Variants in OSBPL2 observed in about 807,000 individuals in gnomAD.
The protein encoded by OSBPL2 is oxysterol-binding protein-related protein 2.
OSBPL2 carries 18 observed loss-of-function variants against 58.4 expected under a neutral mutation model. That is an observed-to-expected ratio of 0.31 (90% CI 0.21 to 0.46). The LOEUF (loss-of-function observed/expected upper bound fraction) is 0.46, where lower values mean the gene tolerates loss of function less well. Ranked by LOEUF, OSBPL2 falls within the 20% of genes least tolerant of loss-of-function variation. OSBPL2 has a pLI of 1.00. For missense variants in OSBPL2, 461 were observed against 616.5 expected, an observed-to-expected ratio of 0.75 and a Z score of 2.67; for synonymous variants, 221 against 234.1, an observed-to-expected ratio of 0.94 and a Z score of 0.51.
rs1347560271 is a variant in OSBPL2 at position 62,272,148 on chromosome 20, A to G, written c.282A>G (p.Pro94=). 5.0e-6 allele frequency: 8 copies of G among 1,613,718 alleles called. No individual in the cohort carries two copies. The highest frequency in any genetic ancestry group is 6.8e-6 in the Non-Finnish European group (8 of 1,179,952). ...VGLELSKITM[P]IAFNEPLSFL... is the part of the protein sequence containing the mutation. ...AGGAGCTGTCCAAGATCACGATGCC[A>G]ATCGCCTTCAACGAGCCTCTGAGCT... Residue 94 remains proline, a synonymous_variant, in exon 5 of 14, where the codon CCA becomes CCG. Transcript: ENST00000313733.
chr20:62,293,744 G>A (rs1983677348), intron 13 of OSBPL2, 41 bp from the exon 14 acceptor site: 2 of 1,592,992 alleles, frequency 1.3e-6, no homozygotes, highest in Non-Finnish European at 1.7e-6. Flanking sequence ...TTTTCCTTTT[G>A]GGCTGAGCAT....
At chr20:62,271,980 A>G in intron 4 of OSBPL2, 145 bp from the exon 5 acceptor site, 1 of 848,736 alleles carries the variant, frequency 1.2e-6, no homozygotes, top group Non-Finnish European at 1.8e-6. Context: ...TGGGGCAGGG[A>G]GTGGCTCACC....
At chr20:62,277,202 A>T (rs919088909) in intron 6 of OSBPL2, among the ~76,000 whole-genome samples, 1 of 152,240 alleles carries the variant, frequency 6.6e-6, no homozygotes, top group Non-Finnish European at 1.5e-5. Context: ...GTGAGCCGAG[A>T]TCACGCCACT....
At chr20:62,248,176 A>G (rs1363620761) in intron 1 of OSBPL2, among the ~76,000 whole-genome samples, 1 of 93,882 alleles carries the variant, frequency 1.1e-5, no homozygotes, top group Non-Finnish European at 2.0e-5. Context: ...TTTTTTTGTG[A>G]CAGGGTCTCG....
chr20:62,283,533 A>G (rs1381129748), intron 9 of OSBPL2, among the ~76,000 whole-genome samples: 2 of 152,178 alleles, frequency 1.3e-5, no homozygotes, highest in African/African-American at 2.4e-5. Flanking sequence ...TTATTGATGA[A>G]AAAAGGCAGG....
intron 6 of OSBPL2, among the ~76,000 whole-genome samples, chr20:62,277,914 GA>G (rs1227147666): frequency 6.6e-6 from 1 of 152,150 alleles, no homozygotes; most frequent in East Asian, 1.9e-4. Flanking sequence ...TTCCATCTCG[GA>G]AATTTCAGGG....
chr20:62,254,664 C>T (rs1339929045), intron 1 of OSBPL2, among the ~76,000 whole-genome samples: 1 of 152,254 alleles, frequency 6.6e-6, no homozygotes, highest in Admixed American at 6.5e-5. Context: ...GGGCCGTTCT[C>T]GCCCCGGCGC....
intron 1 of OSBPL2, among the ~76,000 whole-genome samples, chr20:62,239,379 T>C (rs1979566508): frequency 6.6e-6 from 1 of 152,196 alleles, no homozygotes; most frequent in Non-Finnish European, 1.5e-5. Flanking sequence ...AGACCAAGAC[T>C]GTTAGGTCGT....
At chr20:62,264,130 TAAAA>T (rs1457011944) in intron 4 of OSBPL2, among the ~76,000 whole-genome samples, 3 of 144,876 alleles carry the variant, frequency 2.1e-5, no homozygotes, top group Non-Finnish European at 4.5e-5. Flanking sequence ...ATTAAGACAA[TAAAA>T]CAGGAAAAGA....
chr20:62,259,859 AT>A, intron 2 of OSBPL2, 121 bp from the exon 3 acceptor site: 1 of 854,542 alleles, frequency 1.2e-6, no homozygotes. Context: ...ATTCTTCCAA[AT>A]GTGTCCGTTC....
intron 6 of OSBPL2, among the ~76,000 whole-genome samples, chr20:62,277,564 G>A (rs1011337174): frequency 5.3e-5 from 8 of 152,252 alleles, no homozygotes; most frequent in African/African-American, 1.7e-4. Flanking sequence ...GGCCATGGAC[G>A]TGGACCAAGT....
chr20:62,282,339 T>C (rs1470711418), intron 9 of OSBPL2, among the ~76,000 whole-genome samples: 1 of 152,230 alleles, frequency 6.6e-6, no homozygotes, highest in East Asian at 1.9e-4. Context: ...TCAGGGACTT[T>C]CGCAAGTTTT....
chr20:62,261,314 T>TC (rs1981287473), intron 3 of OSBPL2, among the ~76,000 whole-genome samples: 2 of 66,338 alleles, frequency 3.0e-5, no homozygotes, highest in African/African-American at 9.9e-5. Context: ...AGACTCCATC[T>TC]CCAAAAAAAA....
In OSBPL2 at chr20:62,269,201, C is replaced by T. The variant is rs1168198298; in HGVS notation, c.259-2924C>T. On this transcript the variant is annotated intron_variant, in intron 4 of 13. Coordinates refer to ENST00000313733, the MANE Select transcript of OSBPL2 (RefSeq NM_144498.4). This position sits in a 1 kb window ranked among gnomAD's most constrained non-coding sequence, Gnocchi z 4.2. ...ACAGGCGTGAGCCATCTCGCCTGGCCGACTTCTGAATCTTTTAATGGCGCG... is the reference window on the plus strand; with the variant it reads ...ACAGGCGTGAGCCATCTCGCCTGGCTGACTTCTGAATCTTTTAATGGCGCG... Among the ~76,000 whole-genome samples, 1 of 152,212 alleles carries T rather than the reference C, an allele frequency of 6.6e-6. No homozygotes were observed. Among genetic ancestry groups the T allele is most frequent in the African/African-American group, 2.4e-5 (1 of 41,444 alleles).
chr20:62,281,704 C>G (rs1982798028), intron 8 of OSBPL2, 86 bp from the exon 9 acceptor site: 1 of 974,092 alleles, frequency 1.0e-6, no homozygotes. Flanking sequence ...CCCCAGGGGC[C>G]TCCACCGCGC....
intron 6 of OSBPL2, among the ~76,000 whole-genome samples, 169 bp downstream of exon 6, chr20:62,273,575 G>A (rs1397811107): frequency 3.3e-5 from 5 of 152,220 alleles, no homozygotes; most frequent in Admixed American, 6.5e-5. Context: ...TCACACACAC[G>A]GGGTGTTGTG....
chr20:62,275,081 C>T (rs1042277452), intron 6 of OSBPL2, among the ~76,000 whole-genome samples: 6 of 152,096 alleles, frequency 3.9e-5, no homozygotes, highest in Admixed American at 2.6e-4. Flanking sequence ...GCTGGGCTCA[C>T]GCCTGGAATA....
intron 5 of OSBPL2, among the ~76,000 whole-genome samples, chr20:62,272,889 C>G (rs1431237994): frequency 6.6e-6 from 1 of 152,176 alleles, no homozygotes; most frequent in Non-Finnish European, 1.5e-5. Flanking sequence ...GAGTGAGACC[C>G]TGTGTCTAAA....
intron 1 of OSBPL2, among the ~76,000 whole-genome samples, chr20:62,243,728 G>A (rs2145910894): frequency 6.6e-6 from 1 of 152,130 alleles, no homozygotes; most frequent in African/African-American, 2.4e-5. Flanking sequence ...CCCACGGTGG[G>A]GTCAGGACCC....
Sources: allele counts gnomAD v4.1 joint callset (sites outside exome capture counted in the v4.1 genomes callset), GRCh38; gene constraint gnomAD v4.1.1; non-coding constraint Gnocchi (gnomAD v3.1); transcripts MANE v1.5; gene names NCBI Gene and HGNC (gene_info 2026-07-23, HGNC 2026-07-21).